Variants in TTBK2 observed in about 807,000 individuals in gnomAD.
The protein encoded by TTBK2 is tau tubulin kinase 2.
A neutral mutation model predicts 110.8 loss-of-function variants in TTBK2; 28 were observed. The observed-to-expected ratio is 0.25, with a 90% CI of 0.19 to 0.35. TTBK2 has a LOEUF of 0.35. TTBK2 is among the 10% of genes least tolerant of loss of function. The probability of loss-of-function intolerance (pLI) is 1.00; values close to 1 mark genes in which losing one functional copy is unlikely to be tolerated. For missense variants in TTBK2, 1,369 were observed against 1,500.3 expected, an observed-to-expected ratio of 0.91 and a Z score of 1.45; for synonymous variants, 532 against 527.3, an observed-to-expected ratio of 1.01 and a Z score of -0.12.
intron 1 of TTBK2, among the ~76,000 whole-genome samples, chr15:42,899,890 G>A (rs1052524210): frequency 2.0e-5 from 3 of 151,326 alleles, no homozygotes; most frequent in Non-Finnish European, 2.9e-5. Context: ...CAACAAGAGC[G>A]AAACTCCATC....
intron 13 of TTBK2, among the ~76,000 whole-genome samples, chr15:42,773,937 TG>T (rs1002391083): frequency 7.2e-5 from 11 of 152,206 alleles, no homozygotes; most frequent in Admixed American, 5.2e-4. Flanking sequence ...AAGCAAAGTC[TG>T]GGGTAGATTT....
intron 3 of TTBK2, chr15:42,871,353 T>G: frequency 1.3e-6 from 1 of 776,736 alleles, no homozygotes; most frequent in Non-Finnish European, 1.6e-6. Context: ...AAACTGATCT[T>G]CAAGTTTTAT....
At chr15:42,812,544 T>C (rs567798904) in intron 7 of TTBK2, among the ~76,000 whole-genome samples, 6 of 152,236 alleles carry the variant, frequency 3.9e-5, no homozygotes, top group Admixed American at 3.9e-4. Context: ...AATACATCCC[T>C]AAATTCAGAC....
At chr15:42,887,730 C>CT (rs1161955419) in intron 1 of TTBK2, among the ~76,000 whole-genome samples, 7 of 151,932 alleles carry the variant, frequency 4.6e-5, no homozygotes, top group South Asian at 2.1e-4. Flanking sequence ...CTCAAACATG[C>CT]TTTTTTTTCA....
At chr15:42,786,555 T>G (rs565366140) in intron 10 of TTBK2, among the ~76,000 whole-genome samples, 2 of 152,336 alleles carry the variant, frequency 1.3e-5, no homozygotes, top group Non-Finnish European at 2.9e-5. Context: ...CTGCTTTTTT[T>G]CCAACTACCT....
chr15:42,888,319 G>A (rs1014617022), intron 1 of TTBK2, among the ~76,000 whole-genome samples: 19 of 151,702 alleles, frequency 1.3e-4, no homozygotes, highest in South Asian at 2.1e-4. Context: ...TTCCTGGCCC[G>A]GACTTCAATC....
chr15:42,746,711 G>GT lies in TTBK2; in HGVS notation c.3273-455dup, dbSNP rs540972261. 9.5e-4 allele frequency among the ~76,000 whole-genome samples: 139 copies of GT among 146,872 alleles called. 1 individual carries two copies. The highest frequency in any genetic ancestry group is 3.9e-3 in the Admixed American group (58 of 14,746). The stretch of plus-strand genomic sequence containing the variant: ...AAACACGAAATCCCACAATGTAAGT[G>GT]TTTTTTTTTTTAATTTTCTTTTTTC... On this transcript the variant is annotated intron_variant, in intron 14 of 14. Coordinates refer to ENST00000267890, the MANE Select transcript of TTBK2 (RefSeq NM_173500.4).
chr15:42,851,984 C>T (rs1015977831), intron 3 of TTBK2, among the ~76,000 whole-genome samples: 24 of 151,892 alleles, frequency 1.6e-4, no homozygotes, highest in Admixed American at 8.5e-4. Flanking sequence ...AAAGTATCAA[C>T]GAGCCTAACA....
intron 9 of TTBK2, chr15:42,801,576 T>A (rs1340407695): frequency 1.3e-6 from 1 of 771,972 alleles, no homozygotes; most frequent in Non-Finnish European, 2.4e-6. Context: ...TAGTACATGC[T>A]CTCAGCCTCA....
chr15:42,750,093 AAAAG>A (rs1188689585), intron 14 of TTBK2, among the ~76,000 whole-genome samples: 2 of 152,208 alleles, frequency 1.3e-5, no homozygotes, highest in Non-Finnish European at 2.9e-5. Flanking sequence ...CTCAAAAATA[AAAAG>A]AAACAAAAAC....
chr15:42,758,387 G>A (rs1019751365), intron 13 of TTBK2, among the ~76,000 whole-genome samples: 3 of 152,106 alleles, frequency 2.0e-5, no homozygotes, highest in African/African-American at 7.2e-5. Flanking sequence ...TGGGCGCGGT[G>A]GCTCACGCCT....
At chr15:42,796,565 G>A (rs2140876507) in intron 9 of TTBK2, among the ~76,000 whole-genome samples, 1 of 152,344 alleles carries the variant, frequency 6.6e-6, no homozygotes, top group East Asian at 1.9e-4. Flanking sequence ...GGAGTGGCCA[G>A]TGAGGCAGGA....
At chr15:42,815,545 T>A (rs890586402) in intron 7 of TTBK2, among the ~76,000 whole-genome samples, 1 of 151,866 alleles carries the variant, frequency 6.6e-6, no homozygotes, top group Non-Finnish European at 1.5e-5. Flanking sequence ...GTTTTCCTAC[T>A]CATAAAGTTC....
intron 4 of TTBK2, among the ~76,000 whole-genome samples, chr15:42,837,757 C>T (rs936186590): frequency 1.3e-5 from 2 of 150,888 alleles, no homozygotes; most frequent in Non-Finnish European, 3.0e-5. Flanking sequence ...TCAGAAAGAC[C>T]TTAAGATTAT....
Position 42,752,743 on chromosome 15 carries a change from GCAC to G in TTBK2, c.2500_2502del (p.Val834del). The G allele has an allele frequency of 3.1e-6, 5 of 1,614,056 alleles. No individual in the cohort carries two copies. The highest frequency in any genetic ancestry group is 2.5e-6 in the Non-Finnish European group (3 of 1,180,024). On this transcript the variant is annotated inframe_deletion, in exon 14 of 15. Transcript: ENST00000267890. ...ATCTCATTATTTTTGTCTTGATTTG[GCAC>G]CACACTAAAAGTCTGTGTTTTTGTC... is the stretch of plus-strand genomic sequence containing the variant.
rs2061736536 is a variant in TTBK2, at chr15:42,739,317, ATC to A, written c.*6476_*6477del. 6.6e-6 allele frequency: 1 copy of A among 152,250 alleles called. No homozygotes were observed. Among genetic ancestry groups the A allele is most frequent in the South Asian group, 2.1e-4 (1 of 4,836 alleles). The allele number at this position is 152,250 out of a possible 1,614,324, so 9.4% of individuals were successfully genotyped here. A position where few individuals can be genotyped will look rare whatever the true frequency, so the allele number is the denominator to read the frequency against. On this transcript the variant is annotated 3_prime_UTR_variant, in exon 15 of 15. Coordinates refer to ENST00000267890, the MANE Select transcript of TTBK2 (RefSeq NM_173500.4). ...AGAGAAAAGTGGAATTATTAAAGTC[ATC>A]TAACTCATTGGTCTTGTTCAACAAG...
intron 7 of TTBK2, among the ~76,000 whole-genome samples, chr15:42,813,946 G>A (rs1029274819): frequency 6.6e-6 from 1 of 152,020 alleles, no homozygotes; most frequent in African/African-American, 2.4e-5. Flanking sequence ...TTTTTTCAAA[G>A]TATTGAGATA....
intron 4 of TTBK2, among the ~76,000 whole-genome samples, chr15:42,837,227 G>A (rs545430975): frequency 1.6e-4 from 24 of 151,774 alleles, no homozygotes; most frequent in South Asian, 6.3e-4. Flanking sequence ...GTGTGGCGGC[G>A]CGCACCTGCA....
chr15:42,854,628 G>C (rs1893857115), intron 3 of TTBK2, among the ~76,000 whole-genome samples: 1 of 147,772 alleles, frequency 6.8e-6, no homozygotes, highest in South Asian at 2.1e-4. Flanking sequence ...TAAAACATTA[G>C]ACCAACCTAT....
Sources: allele counts gnomAD v4.1 joint callset (sites outside exome capture counted in the v4.1 genomes callset), GRCh38; gene constraint gnomAD v4.1.1; transcripts MANE v1.5; gene names NCBI Gene and HGNC (gene_info 2026-07-23, HGNC 2026-07-21).